NOL4: variants seen among roughly 807,000 people sequenced by gnomAD.
The protein encoded by NOL4 is nucleolar protein 4.
In NOL4, 17 loss-of-function variants were observed where a neutral mutation model predicts 75.9. That is an observed-to-expected ratio of 0.22 (90% CI 0.15 to 0.34). The LOEUF (loss-of-function observed/expected upper bound fraction) is 0.34, where lower values mean the gene tolerates loss of function less well. Ranked by LOEUF, NOL4 falls within the 10% of genes least tolerant of loss-of-function variation. NOL4 has a pLI of 1.00. For synonymous variants in NOL4, 292 were observed against 289.9 expected (o/e 1.01, Z -0.07); for missense variants, 614 against 793.5 (o/e 0.77, Z 2.72).
intron 6 of NOL4, among the ~76,000 whole-genome samples, chr18:34,001,238 A>G (rs1314186011): frequency 6.6e-6 from 1 of 152,106 alleles, no homozygotes; most frequent in Non-Finnish European, 1.5e-5. Flanking sequence ...AATTCTTCCT[A>G]AATAGACTGA....
intron 8 of NOL4, among the ~76,000 whole-genome samples, chr18:33,948,036 A>G (rs2068957887): frequency 6.6e-6 from 1 of 151,960 alleles, no homozygotes; most frequent in African/African-American, 2.4e-5. Context: ...TCTGAACTTC[A>G]GCTGTACATT....
intron 8 of NOL4, among the ~76,000 whole-genome samples, chr18:33,951,729 A>C (rs1568116282): frequency 1.3e-5 from 2 of 152,112 alleles, no homozygotes; most frequent in Non-Finnish European, 2.9e-5. Context: ...TATTCTACTT[A>C]ACCCATTTAG....
intron 9 of NOL4, among the ~76,000 whole-genome samples, chr18:33,903,269 T>C (rs2065846135): frequency 6.6e-6 from 1 of 152,046 alleles, no homozygotes; most frequent in South Asian, 2.1e-4. Flanking sequence ...TTTTAAACCA[T>C]CCGATCTTGT....
chr18:34,222,020 C>A (rs1470865811), intron 1 of NOL4: 2 of 1,535,038 alleles, frequency 1.3e-6, no homozygotes, highest in Non-Finnish European at 1.7e-6. Context: ...GAGTACCCAC[C>A]GTGGCATGAT....
chr18:33,911,199 T>C (rs1386515546), intron 9 of NOL4, among the ~76,000 whole-genome samples: 1 of 137,714 alleles, frequency 7.3e-6, no homozygotes, highest in Non-Finnish European at 1.6e-5. Context: ...GTTCCAGAAC[T>C]TTCATGATAA....
chr18:34,158,660 C>A (rs754793941), intron 1 of NOL4: 1 of 152,180 alleles, frequency 6.6e-6, no homozygotes, highest in Non-Finnish European at 1.5e-5. Flanking sequence ...GGGTGCTTAG[C>A]AGCAAGAGAA....
At chr18:34,050,796 C>A (rs1013181547) in intron 5 of NOL4, among the ~76,000 whole-genome samples, 1 of 151,972 alleles carries the variant, frequency 6.6e-6, no homozygotes, top group Non-Finnish European at 1.5e-5. Flanking sequence ...GCACTTTTCA[C>A]AAAACAAGTT....
intron 1 of NOL4, among the ~76,000 whole-genome samples, chr18:34,177,954 T>C (rs1474668376): frequency 6.6e-6 from 1 of 151,724 alleles, no homozygotes; most frequent in East Asian, 1.9e-4. Context: ...CACAGATAAG[T>C]ATATGAAGGG....
chr18:34,170,845 C>A (rs1470350097), intron 1 of NOL4, among the ~76,000 whole-genome samples: 1 of 152,128 alleles, frequency 6.6e-6, no homozygotes, highest in Non-Finnish European at 1.5e-5. Context: ...AAGCTTATTA[C>A]AATTTCCCCT....
chr18:34,068,037 G>A (rs945115692), intron 5 of NOL4, among the ~76,000 whole-genome samples: 1 of 152,122 alleles, frequency 6.6e-6, no homozygotes, highest in Admixed American at 6.5e-5. Flanking sequence ...TGGGAGAAAT[G>A]AGAAAAAATT....
At chr18:33,904,313 T>C (rs1023499306) in intron 9 of NOL4, among the ~76,000 whole-genome samples, 1 of 152,054 alleles carries the variant, frequency 6.6e-6, no homozygotes, top group Non-Finnish European at 1.5e-5. Flanking sequence ...CTCTGGCATA[T>C]TTTGACCAAA....
chr18:33,935,446 G>A (rs1438642652), intron 9 of NOL4, among the ~76,000 whole-genome samples: 2 of 152,042 alleles, frequency 1.3e-5, no homozygotes, highest in African/African-American at 4.8e-5. Context: ...CAGGGTGATG[G>A]CTGGTGGGTG....
intron 1 of NOL4, among the ~76,000 whole-genome samples, chr18:34,213,458 T>G (rs540348784): frequency 7.9e-5 from 12 of 152,040 alleles, no homozygotes; most frequent in South Asian, 6.2e-4. Flanking sequence ...CCCAGCTAAT[T>G]TTTGTATTTT....
intron 2 of NOL4, among the ~76,000 whole-genome samples, chr18:34,112,786 T>C (rs1438850887): frequency 1.3e-5 from 2 of 152,150 alleles, no homozygotes; most frequent in Non-Finnish European, 2.9e-5. Flanking sequence ...ATCAAATGTA[T>C]AGCATAGTAA....
chr18:34,073,480 C>G (rs985446733), intron 5 of NOL4, among the ~76,000 whole-genome samples: 13 of 151,952 alleles, frequency 8.6e-5, no homozygotes, highest in African/African-American at 2.4e-4. Flanking sequence ...TCATCTCTAG[C>G]TTACTTAAAC....
intron 9 of NOL4, among the ~76,000 whole-genome samples, chr18:33,909,026 A>G (rs867226750): frequency 6.6e-6 from 1 of 152,274 alleles, no homozygotes; most frequent in Middle Eastern, 3.4e-3. Context: ...GACATTAAAT[A>G]TAAAATTTAT....
In NOL4 at chr18:34,105,215, T is replaced by C; in HGVS notation, c.415-55A>G. Reference sequence around the variant, plus strand: ...TTATATAAGCTCACTGAGCATGATTTAACAGAAATGATCATTGTATTTCCA... The same window carrying C: ...TTATATAAGCTCACTGAGCATGATTCAACAGAAATGATCATTGTATTTCCA... On this transcript the variant is annotated intron_variant, in intron 2 of 10. Coordinates refer to ENST00000261592, the MANE Select transcript of NOL4 (RefSeq NM_003787.5). 6.1e-6 allele frequency: 7 copies of C among 1,140,134 alleles called. No individual in the cohort carries two copies. In the South Asian group the frequency reaches 6.2e-5, roughly 10 times the overall value. The allele number at this position is 1,140,134 out of a possible 1,614,324, so 70.6% of individuals were successfully genotyped here. A position where few individuals can be genotyped will look rare whatever the true frequency, so the allele number is the denominator to read the frequency against.
intron 6 of NOL4, among the ~76,000 whole-genome samples, chr18:33,982,768 T>A (rs978957928): frequency 2.7e-5 from 4 of 147,510 alleles, no homozygotes; most frequent in South Asian, 2.1e-4. Context: ...TTTTTTTTTT[T>A]AGACAGAGTT....
chr18:34,103,632 T>C (rs11081843), intron 4 of NOL4, among the ~76,000 whole-genome samples: 23,882 of 152,018 alleles, frequency 0.16, 2,120 homozygotes, highest in African/African-American at 0.23. Flanking sequence ...GGAGAAATGA[T>C]AATACTTGAA....
Sources: gnomAD v4.1 joint callset for allele counts (sites outside exome capture counted in the v4.1 genomes callset) on GRCh38, gnomAD v4.1.1 for gene constraint, MANE v1.5 for transcripts, NCBI Gene and HGNC (gene_info 2026-07-23, HGNC 2026-07-21) for gene names.